The following ACOX3 variants were observed in gnomAD, a reference collection of about 807,000 sequenced individuals.
ACOX3 encodes acyl-CoA oxidase 3, pristanoyl, also known as peroxisomal acyl-coenzyme A oxidase 3.
Under a neutral mutation model 81.5 loss-of-function variants are expected in ACOX3, and 73 were observed. That is an observed-to-expected ratio of 0.90 (90% CI 0.74 to 1.09). The LOEUF is 1.09. ACOX3 is among the 50% of genes least tolerant of loss of function. ACOX3 has a pLI of 0.00. For missense variants in ACOX3, 947 were observed against 928.0 expected (o/e 1.02, Z -0.27); for synonymous variants, 387 against 375.1 (o/e 1.03, Z -0.37).
Position 8,389,242 on chromosome 4 carries a change from C to T in ACOX3, c.1468G>A (p.Asp490Asn), listed in dbSNP as rs759487661. ...RSPLKSVDFL[D>N]AYPGILDQKF... ...TGGTCAAGGATGCCGGGATAGGCGT[C>T]CAGAAAGTCCACTGACTTCAGCGGA... The change falls in exon 13 of 18, where the codon GAC (aspartate) becomes AAC (asparagine). Residue 490 changes from aspartate (D) to asparagine (N), a missense_variant. Asp to Asn is a conservative substitution (Grantham distance 23). Transcript: ENST00000356406. The surrounding 1 kb of genome is among the most constrained non-coding windows in gnomAD (Gnocchi z 5.3). The T allele has an allele frequency of 6.2e-7, 1 of 1,613,838 alleles. No individual in the cohort carries two copies. Among genetic ancestry groups the T allele is most frequent in the Admixed American group, 1.7e-5 (1 of 60,004 alleles).
the ACOX3 span, among the ~76,000 whole-genome samples, chr4:8,358,985 T>C: frequency 1.4e-4 from 21 of 152,176 alleles, no homozygotes; most frequent in Non-Finnish European, 2.9e-5. Flanking sequence ...GGGTCTGGAT[T>C]GGGACCCCTT....
At position 8,430,307 on chromosome 4, in the gene ACOX3, C is replaced by G. The variant is rs777372009; in HGVS notation, c.-15+10341G>C. Among the ~76,000 whole-genome samples, 16 of 152,238 alleles carry G rather than the reference C, an allele frequency of 1.1e-4. No individual in the cohort carries two copies. The highest frequency in any genetic ancestry group is 2.2e-4 in the Non-Finnish European group (15 of 68,046). ...AGTCGGAAGTGATCCTTAGTCTAGA[C>G]TAGCCTTCCCAGCCAGGGGTCTATT... On this transcript the variant is annotated intron_variant, in intron 1 of 17. Transcript: ENST00000356406. This position sits in a 1 kb window ranked among gnomAD's most constrained non-coding sequence, Gnocchi z 5.2.
At chr4:8,361,425 C>CAAAAAAA (rs56251372), downstream of ACOX3, among the ~76,000 whole-genome samples, 2,255 of 39,084 alleles carry the variant, frequency 0.058, 410 homozygotes, top group Non-Finnish European at 0.079. Context: ...GACTCTATCT[C>CAAAAAAA]AAAAAAAAAA....
At chr4:8,398,206 T>C (rs1719934682) in intron 8 of ACOX3, among the ~76,000 whole-genome samples, 1 of 152,132 alleles carries the variant, frequency 6.6e-6, no homozygotes, top group Non-Finnish European at 1.5e-5. Context: ...GATTTTCCTT[T>C]AAGGGTATAA....
chr4:8,361,080 A>G, the ACOX3 span, among the ~76,000 whole-genome samples: 1 of 152,234 alleles, frequency 6.6e-6, no homozygotes, highest in African/African-American at 2.4e-5. Flanking sequence ...GTAAAAGATT[A>G]TAAGAACACA....
Position 8,406,846 on chromosome 4 carries a change from C to T in ACOX3, c.688-803G>A, listed in dbSNP as rs572907154. Among the ~76,000 whole-genome samples the T allele has an allele frequency of 1.6e-4, 24 of 152,350 alleles. No individual in the cohort carries two copies. Among genetic ancestry groups the T allele is most frequent in the Admixed American group, 9.1e-4 (14 of 15,306 alleles). Reference sequence around the variant, plus strand: ...ACATGAAGGTGGACTAGGAGCGTGACCACTGAAGCACGGCATCACAGGGAG... The same window carrying T: ...ACATGAAGGTGGACTAGGAGCGTGATCACTGAAGCACGGCATCACAGGGAG... On this transcript the variant is annotated intron_variant, in intron 6 of 17. Transcript: ENST00000356406. This position sits in a 1 kb window ranked among gnomAD's most constrained non-coding sequence, Gnocchi z 5.6.
intron 6 of ACOX3, among the ~76,000 whole-genome samples, chr4:8,408,584 G>A (rs1721289460): frequency 6.6e-6 from 1 of 152,222 alleles, no homozygotes; most frequent in South Asian, 2.1e-4. Flanking sequence ...ACTCCCGCAA[G>A]AAGTCCACTC....
At position 8,440,708 on chromosome 4, in the gene ACOX3, G is replaced by A. The variant is rs893556577; in HGVS notation, c.-75C>T. ...CCAAAAGCAGGAAAGGATCTCCAGC[G>A]GCGCCATTCTCATTTCCGGTCCCAG... On this transcript the variant is annotated 5_prime_UTR_variant, in exon 1 of 18. Coordinates refer to ENST00000356406, the MANE Select transcript of ACOX3 (RefSeq NM_003501.3). 3 of 1,260,534 alleles carry A rather than the reference G, an allele frequency of 2.4e-6. No homozygotes were observed. The highest frequency in any genetic ancestry group is 1.8e-5 in the South Asian group (1 of 54,442). 78.1% of individuals were successfully genotyped at this position (1,260,534 alleles called of 1,614,324 possible).
rs1436019509 is a variant in ACOX3, at chr4:8,432,351, A to C, written c.-15+8297T>G. On this transcript the variant is annotated intron_variant, in intron 1 of 17. Transcript: ENST00000356406. This position sits in a 1 kb window ranked among gnomAD's most constrained non-coding sequence, Gnocchi z 6.2. ...CGGGTTCAAGCCATTCTCCTGCCTTAGCCTCCCGAGTAGCTGGGACTACAG... is the reference window on the plus strand; with the variant it reads ...CGGGTTCAAGCCATTCTCCTGCCTTCGCCTCCCGAGTAGCTGGGACTACAG... 6.6e-6 allele frequency among the ~76,000 whole-genome samples: 1 copy of C among 151,830 alleles called. No individual in the cohort carries two copies. The highest frequency in any genetic ancestry group is 1.5e-5 in the Non-Finnish European group (1 of 67,986).
Position 8,394,952 on chromosome 4 carries a change from T to C in ACOX3, c.1057-210A>G, listed in dbSNP as rs1477417279. On this transcript the variant is annotated intron_variant, in intron 9 of 17. Transcript: ENST00000356406. This position sits in a 1 kb window ranked among gnomAD's most constrained non-coding sequence, Gnocchi z 5.9. ...CAGTTCGGCTTTCACCCATAGCCCT[T>C]GACAGACAAGCTCAAACGCAATTCG... The C allele has an allele frequency of 7.3e-6, 4 of 547,962 alleles. No individual in the cohort carries two copies. The highest frequency in any genetic ancestry group is 1.2e-5 in the Non-Finnish European group (4 of 325,734). The allele number at this position is 547,962 out of a possible 1,614,324, so 33.9% of individuals were successfully genotyped here.
chr4:8,371,134 C>T lies in ACOX3; in HGVS notation c.1897-140G>A, dbSNP rs372762896. ...GGCACGTGCGGCTCTGCTGCCCATGCGTGATCTCTTCACCGGCCTGGATTC... is the reference window on the plus strand; with the variant it reads ...GGCACGTGCGGCTCTGCTGCCCATGTGTGATCTCTTCACCGGCCTGGATTC... On this transcript the variant is annotated intron_variant, in intron 16 of 17. Coordinates refer to ENST00000356406, the MANE Select transcript of ACOX3 (RefSeq NM_003501.3). The T allele has an allele frequency of 6.4e-5, 45 of 698,456 alleles. No homozygotes were observed. In the Admixed American group the frequency reaches 6.9e-4, roughly 11 times the overall value. The allele number at this position is 698,456 out of a possible 1,614,324, so 43.3% of individuals were successfully genotyped here. A position where few individuals can be genotyped will look rare whatever the true frequency, so the allele number is the denominator to read the frequency against.
Position 8,385,774 on chromosome 4 carries a change from A to G in ACOX3, c.1537+3399T>C, listed in dbSNP as rs187407201. On this transcript the variant is annotated intron_variant, in intron 13 of 17. Transcript: ENST00000356406. The surrounding 1 kb of genome is among the most constrained non-coding windows in gnomAD (Gnocchi z 5.5). Reference sequence around the variant, plus strand: ...GTCCTGCAGAGCCTGAGGGCCCCACATCACTTAAACAGCTTTTACCAAAGA... The same window carrying G: ...GTCCTGCAGAGCCTGAGGGCCCCACGTCACTTAAACAGCTTTTACCAAAGA... Among the ~76,000 whole-genome samples the G allele has an allele frequency of 2.0e-5, 3 of 152,210 alleles. No individual in the cohort carries two copies. Among genetic ancestry groups the G allele is most frequent in the African/African-American group, 7.2e-5 (3 of 41,448 alleles).
At chr4:8,434,303 CA>C (rs1199201804) in intron 1 of ACOX3, among the ~76,000 whole-genome samples, 3 of 152,238 alleles carry the variant, frequency 2.0e-5, no homozygotes, top group Non-Finnish European at 4.4e-5. Context: ...ACAAGTCTGC[CA>C]GTGCTTCCGG....
At chr4:8,417,052 G>T (rs2631766) in intron 1 of ACOX3, among the ~76,000 whole-genome samples, 3 of 152,126 alleles carry the variant, frequency 2.0e-5, no homozygotes, top group Non-Finnish European at 4.4e-5. Context: ...TCTGATCACA[G>T]GCTTCTGCAC....
chr4:8,390,049 G>A (rs1718779442), intron 11 of ACOX3, among the ~76,000 whole-genome samples: 1 of 148,424 alleles, frequency 6.7e-6, no homozygotes. Flanking sequence ...GTTGCAGTGA[G>A]CCGAGATTGC....
downstream of ACOX3, among the ~76,000 whole-genome samples, chr4:8,363,577 C>A (rs861164): frequency 0.92 from 139,769 of 152,174 alleles, 64,341 homozygotes; most frequent in East Asian, 1. Flanking sequence ...GGGAGGGGAG[C>A]AATGTCAGAG....
Position 8,431,299 on chromosome 4 carries a change from T to C in ACOX3, c.-15+9349A>G, listed in dbSNP as rs1189609995. Among the ~76,000 whole-genome samples the C allele has an allele frequency of 2.6e-5, 4 of 152,256 alleles. No homozygotes were observed. The highest frequency in any genetic ancestry group is 7.2e-5 in the African/African-American group (3 of 41,466). On this transcript the variant is annotated intron_variant, in intron 1 of 17. Coordinates refer to ENST00000356406, the MANE Select transcript of ACOX3 (RefSeq NM_003501.3). This position sits in a 1 kb window ranked among gnomAD's most constrained non-coding sequence, Gnocchi z 5.3. ...CACTCTCTCCATTTAGTTTCCCAGA[T>C]TGGCATCTGCAGGTCAGACTGTAGT...
rs1717717025 is a variant in ACOX3, at chr4:8,381,987, G to A, written c.1538-380C>T. ...GCGTGGTGCTGCCTCCACAGCATCA[G>A]CCAGGACTGCATGGGCAGCAGGACA... On this transcript the variant is annotated intron_variant, in intron 13 of 17. Transcript: ENST00000356406. This position sits in a 1 kb window ranked among gnomAD's most constrained non-coding sequence, Gnocchi z 4.3. Among the ~76,000 whole-genome samples, 1 of 152,266 alleles carries A rather than the reference G, an allele frequency of 6.6e-6. No individual in the cohort carries two copies. The highest frequency in any genetic ancestry group is 2.4e-5 in the African/African-American group (1 of 41,480).
intron 1 of ACOX3, among the ~76,000 whole-genome samples, chr4:8,422,287 A>G (rs916897109): frequency 3.3e-5 from 5 of 152,174 alleles, no homozygotes; most frequent in East Asian, 1.9e-4. Context: ...AAAACAGTGT[A>G]CCCTATTCCT....
Sources: allele counts gnomAD v4.1 joint callset (sites outside exome capture counted in the v4.1 genomes callset), GRCh38; gene constraint gnomAD v4.1.1; non-coding constraint Gnocchi (gnomAD v3.1); transcripts MANE v1.5; gene names NCBI Gene and HGNC (gene_info 2026-07-23, HGNC 2026-07-21).